Variants in DAB1 observed in about 807,000 individuals in gnomAD.
DAB1 encodes the protein disabled homolog 1.
Under a neutral mutation model 64.6 loss-of-function variants are expected in DAB1, and 15 were observed. That is an observed-to-expected ratio of 0.23 (90% CI 0.16 to 0.36). DAB1 has a LOEUF of 0.36. Ranked by LOEUF, DAB1 falls within the 10% of genes least tolerant of loss-of-function variation. DAB1 has a pLI of 1.00. For missense variants in DAB1, 596 were observed against 706.7 expected, an observed-to-expected ratio of 0.84 and a Z score of 1.78; for synonymous variants, 235 against 251.9, an observed-to-expected ratio of 0.93 and a Z score of 0.64.
In DAB1 at chr1:57,221,927, TC is replaced by T. The variant is rs377206104; in HGVS notation, c.67+69036del. On this transcript the variant is annotated intron_variant, in intron 2 of 14. Coordinates refer to ENST00000371236, the MANE Select transcript of DAB1 (RefSeq NM_001365792.1). ...TGCTTTATAGATTATTGTCCCTGGT[TC>T]TTTTCATGTGTTACTTTTTATTTTT... 5.1e-4 allele frequency among the ~76,000 whole-genome samples: 77 copies of T among 152,198 alleles called. 1 individual carries two copies. The South Asian group carries it at 0.013, about 27-fold the overall frequency.
At chr1:57,837,418 G>C (rs1652855760) in intron 1 of DAB1, among the ~76,000 whole-genome samples, 1 of 151,932 alleles carries the variant, frequency 6.6e-6, no homozygotes, top group Non-Finnish European at 1.5e-5. Context: ...GTGTTTCTTT[G>C]GCCTGAAACA....
chr1:57,393,325 T>C (rs1024763109), intron 1 of DAB1, among the ~76,000 whole-genome samples: 1 of 152,196 alleles, frequency 6.6e-6, no homozygotes, highest in Non-Finnish European at 1.5e-5. Flanking sequence ...TTTTTTCACT[T>C]CAGCATAGGG....
rs148634173 is a variant in DAB1, at chr1:58,257,849, G to A, written n.309+85503C>T. On this transcript the variant is annotated intron_variant and non_coding_transcript_variant, in intron 4 of 20. Transcript: ENST00000485760. ...ATGATGTAAGGCCCCAAAAGGTTAC[G>A]TGCATCTGGAGCTAGGAATGTAATT... Among the ~76,000 whole-genome samples, 26 of 152,278 alleles carry A rather than the reference G, an allele frequency of 1.7e-4. No individual in the cohort carries two copies. In the East Asian group the frequency reaches 5.0e-3, roughly 29 times the overall value.
chr1:57,971,938 T>C (rs144967621), intron 5 of DAB1, among the ~76,000 whole-genome samples: 3 of 152,298 alleles, frequency 2.0e-5, no homozygotes, highest in East Asian at 1.9e-4. Flanking sequence ...ATCTCCCAAA[T>C]TGTGGGCTAC....
upstream of DAB1, among the ~76,000 whole-genome samples, chr1:57,886,365 G>A (rs1236333642): frequency 6.6e-6 from 1 of 152,004 alleles, no homozygotes; most frequent in Non-Finnish European, 1.5e-5. Flanking sequence ...CGCTATGTTG[G>A]CCAGGCTGGT....
intron 9 of DAB1, among the ~76,000 whole-genome samples, chr1:57,028,024 T>C (rs1371856351): frequency 6.6e-6 from 1 of 152,118 alleles, no homozygotes. Flanking sequence ...TCTCAGGTAA[T>C]GCAGCAGAAA....
chr1:57,781,911 T>C (rs931206335), intron 6 of DAB1, among the ~76,000 whole-genome samples: 6 of 152,226 alleles, frequency 3.9e-5, no homozygotes, highest in African/African-American at 1.4e-4. Flanking sequence ...AAACATAACA[T>C]CTGGGAATGT....
intron 1 of DAB1, among the ~76,000 whole-genome samples, chr1:57,834,466 A>C (rs1264688980): frequency 6.6e-6 from 1 of 152,142 alleles, no homozygotes; most frequent in Non-Finnish European, 1.5e-5. Context: ...ATTAGTACCT[A>C]CCATGTACCA....
intron 14 of DAB1, among the ~76,000 whole-genome samples, chr1:57,003,459 C>T (rs1440923838): frequency 2.0e-5 from 3 of 152,052 alleles, no homozygotes; most frequent in East Asian, 3.9e-4. Flanking sequence ...TGTGCAGTTA[C>T]TCAGCCAGCA....
chr1:57,723,945 T>G (rs79528158), intron 6 of DAB1, among the ~76,000 whole-genome samples: 131 of 152,314 alleles, frequency 8.6e-4, no homozygotes, highest in African/African-American at 3.1e-3. Context: ...GTAACTATTT[T>G]CAATTCCAAT....
chr1:57,991,859 A>AC (rs1557599914), intron 5 of DAB1, among the ~76,000 whole-genome samples: 6 of 150,458 alleles, frequency 4.0e-5, no homozygotes, highest in African/African-American at 1.2e-4. Context: ...AAAAAAAAAA[A>AC]AAAAAAAAAA....
At chr1:58,102,590 T>C (rs1362536336) in intron 5 of DAB1, among the ~76,000 whole-genome samples, 1 of 152,202 alleles carries the variant, frequency 6.6e-6, no homozygotes, top group Non-Finnish European at 1.5e-5. Flanking sequence ...CCAGAGAAAG[T>C]AGAGATGTCA....
chr1:57,094,480 G>C (rs774222449), intron 4 of DAB1, among the ~76,000 whole-genome samples: 1 of 152,258 alleles, frequency 6.6e-6, no homozygotes, highest in East Asian at 1.9e-4. Context: ...ACCATCTACC[G>C]AGGTAAGAGG....
intron 1 of DAB1, among the ~76,000 whole-genome samples, chr1:57,348,898 C>A (rs1348218474): frequency 6.6e-6 from 1 of 152,144 alleles, no homozygotes; most frequent in Non-Finnish European, 1.5e-5. Flanking sequence ...TTGACCCAGC[C>A]TTTAACTCTG....
intron 14 of DAB1, among the ~76,000 whole-genome samples, chr1:57,002,276 G>T (rs563042684): frequency 3.1e-4 from 47 of 152,302 alleles, no homozygotes; most frequent in African/African-American, 1.1e-3. Context: ...CTAGCTTAGT[G>T]TTCTCCTGCC....
chr1:57,613,635 C>T (rs182733839), intron 7 of DAB1, among the ~76,000 whole-genome samples: 57 of 152,218 alleles, frequency 3.7e-4, no homozygotes, highest in African/African-American at 1.3e-3. Context: ...AAAATAAATA[C>T]GAAAAAGAGT....
chr1:57,574,777 A>G (rs1478249668), intron 7 of DAB1, among the ~76,000 whole-genome samples: 1 of 152,150 alleles, frequency 6.6e-6, no homozygotes, highest in Non-Finnish European at 1.5e-5. Context: ...GGTAGTGCCC[A>G]CTGGTTGGCT....
intron 3 of DAB1, among the ~76,000 whole-genome samples, chr1:58,485,826 C>T (rs1225989726): frequency 2.0e-5 from 3 of 152,024 alleles, no homozygotes; most frequent in African/African-American, 2.4e-5. Flanking sequence ...CAAACGCATG[C>T]TAAATTTTAA....
chr1:57,902,345 C>T (rs553166178), intron 5 of DAB1, among the ~76,000 whole-genome samples: 9 of 152,034 alleles, frequency 5.9e-5, no homozygotes, highest in African/African-American at 1.4e-4. Context: ...TTGGCAATAT[C>T]GTTATCTTGT....
Sources: allele counts gnomAD v4.1 joint callset (sites outside exome capture counted in the v4.1 genomes callset), GRCh38; gene constraint gnomAD v4.1.1; transcripts MANE v1.5; gene names NCBI Gene and HGNC (gene_info 2026-07-23, HGNC 2026-07-21).